The following CCSER1 variants were observed in gnomAD, a reference collection of about 807,000 sequenced individuals.
CCSER1 encodes the protein coiled-coil serine rich protein 1, also known as serine-rich coiled-coil domain-containing protein 1.
A neutral mutation model predicts 82.0 loss-of-function variants in CCSER1; 41 were observed. That is an observed-to-expected ratio of 0.50 (90% CI 0.39 to 0.65). The LOEUF (loss-of-function observed/expected upper bound fraction) is 0.65, where lower values mean the gene tolerates loss of function less well. Among genes scored for constraint, CCSER1 ranks in the 30% least tolerant of loss-of-function variants. CCSER1 has a pLI of 0.00. For missense variants in CCSER1, 1,119 were observed against 1,064.2 expected, an observed-to-expected ratio of 1.05 and a Z score of -0.72; for synonymous variants, 414 against 383.9, an observed-to-expected ratio of 1.08 and a Z score of -0.92.
At chr4:90,442,402 C>T (rs1173926338) in intron 4 of CCSER1, among the ~76,000 whole-genome samples, 3 of 152,096 alleles carry the variant, frequency 2.0e-5, no homozygotes, top group Admixed American at 6.5e-5. Flanking sequence ...CCAGAAAAAC[C>T]TATTGATCAA....
chr4:90,710,029 C>A (rs888905804), intron 6 of CCSER1, among the ~76,000 whole-genome samples: 1 of 146,246 alleles, frequency 6.8e-6, no homozygotes, highest in Non-Finnish European at 1.5e-5. Context: ...TTGCATTTCT[C>A]TAGTGATCAG....
At chr4:91,309,757 AT>A (rs996292220) in intron 10 of CCSER1, among the ~76,000 whole-genome samples, 2 of 151,956 alleles carry the variant, frequency 1.3e-5, no homozygotes, top group African/African-American at 4.8e-5. Flanking sequence ...ATATATAAGA[AT>A]TTAATTTTTT....
At position 90,653,132 on chromosome 4, in the gene CCSER1, T is replaced by A. The variant is rs1245882612; in HGVS notation, c.1932+24900T>A. Among the ~76,000 whole-genome samples, 4 of 149,346 alleles carry A rather than the reference T, an allele frequency of 2.7e-5. No individual in the cohort carries two copies. The East Asian group carries it at 5.8e-4, about 22-fold the overall frequency. ...TTATTTGGTAATAAGAGTTCCTATT[T>A]AAAAAAAAAACTTGCTTTGAATTTC... On this transcript the variant is annotated intron_variant, in intron 6 of 10. Transcript: ENST00000509176.
chr4:90,827,221 C>A (rs1369625517), intron 8 of CCSER1, among the ~76,000 whole-genome samples: 1 of 152,170 alleles, frequency 6.6e-6, no homozygotes, highest in Non-Finnish European at 1.5e-5. Context: ...TTTATGGTTT[C>A]TTCTGGTCAT....
intron 6 of CCSER1, among the ~76,000 whole-genome samples, chr4:90,633,768 A>T (rs548265592): frequency 2.0e-5 from 3 of 151,968 alleles, no homozygotes; most frequent in African/African-American, 4.8e-5. Flanking sequence ...TGGTCTGTCG[A>T]CCTCCTAGAT....
intron 7 of CCSER1, among the ~76,000 whole-genome samples, chr4:90,790,533 TG>T (rs932614350): frequency 2.3e-5 from 3 of 127,790 alleles, no homozygotes; most frequent in African/African-American, 1.0e-4. Context: ...TTCTGACCAT[TG>T]GGATTCTGGA....
At chr4:90,773,619 C>T (rs1162243352) in intron 7 of CCSER1, among the ~76,000 whole-genome samples, 2 of 152,162 alleles carry the variant, frequency 1.3e-5, no homozygotes, top group African/African-American at 4.8e-5. Flanking sequence ...CCCTAAATTA[C>T]ATCTATATTG....
intron 9 of CCSER1, among the ~76,000 whole-genome samples, chr4:91,066,958 G>A (rs1053275170): frequency 6.6e-6 from 1 of 151,946 alleles, no homozygotes; most frequent in African/African-American, 2.4e-5. Flanking sequence ...GAGGTCAGGA[G>A]ATCAAAACCA....
At chr4:91,517,750 G>C (rs946649926) in intron 10 of CCSER1, among the ~76,000 whole-genome samples, 1 of 89,320 alleles carries the variant, frequency 1.1e-5, no homozygotes, top group Non-Finnish European at 2.5e-5. Flanking sequence ...TTTCTCGTGT[G>C]TGTGTGTGTG....
chr4:91,572,830 A>C (rs953596126), intron 10 of CCSER1, among the ~76,000 whole-genome samples: 9 of 151,626 alleles, frequency 5.9e-5, no homozygotes, highest in African/African-American at 1.5e-4. Flanking sequence ...AAAAAAGAAG[A>C]AGCCTGTCCA....
chr4:90,947,766 A>C (rs893334128), intron 9 of CCSER1, among the ~76,000 whole-genome samples: 2 of 152,146 alleles, frequency 1.3e-5, no homozygotes, highest in African/African-American at 4.8e-5. Context: ...GTATCTCTAG[A>C]GACTGTAAGT....
chr4:91,328,507 T>C (rs1262823644), intron 10 of CCSER1, among the ~76,000 whole-genome samples: 2 of 152,230 alleles, frequency 1.3e-5, no homozygotes, highest in Middle Eastern at 3.4e-3. Flanking sequence ...ACCTTCAACA[T>C]TGCAGATTAC....
rs956574425 is a variant in CCSER1 at position 91,599,547 on chromosome 4, A to G, written c.*490A>G. 1.3e-5 allele frequency: 2 copies of G among 152,228 alleles called. No homozygotes were observed. Among genetic ancestry groups the G allele is most frequent in the Non-Finnish European group, 2.9e-5 (2 of 68,114 alleles). The allele number at this position is 152,228 out of a possible 1,614,324, so 9.4% of individuals were successfully genotyped here. ...GTTAACGTCTTATATTTGGTGGTAT[A>G]TTTATTTGAAGAATGTGGCTTGCTT... On this transcript the variant is annotated 3_prime_UTR_variant, in exon 11 of 11. Transcript: ENST00000509176.
chr4:90,935,465 A>C (rs1456254621), intron 9 of CCSER1, among the ~76,000 whole-genome samples: 6 of 152,168 alleles, frequency 3.9e-5, no homozygotes, highest in Admixed American at 2.6e-4. Flanking sequence ...CCTGAGCCAA[A>C]TAAACCTTTT....
intron 9 of CCSER1, among the ~76,000 whole-genome samples, chr4:90,924,929 G>A (rs1728867152): frequency 1.3e-5 from 2 of 152,160 alleles, no homozygotes; most frequent in African/African-American, 2.4e-5. Context: ...GTTTCATCAT[G>A]TTGGTCAGGT....
intron 10 of CCSER1, among the ~76,000 whole-genome samples, chr4:91,089,648 A>G (rs1402777639): frequency 1.3e-5 from 2 of 152,174 alleles, no homozygotes; most frequent in African/African-American, 2.4e-5. Context: ...GCTTTTTATC[A>G]TTTGAAGAAG....
chr4:90,747,654 T>G (rs190067449), intron 7 of CCSER1, among the ~76,000 whole-genome samples: 1 of 152,138 alleles, frequency 6.6e-6, no homozygotes, highest in Non-Finnish European at 1.5e-5. Flanking sequence ...TTTCTTTTTT[T>G]AAATTTTATT....
rs540846742 is a variant in CCSER1, at chr4:90,974,612, A to G, written c.2172+51165A>G. 2.0e-5 allele frequency among the ~76,000 whole-genome samples: 3 copies of G among 151,590 alleles called. No homozygotes were observed. In the South Asian group the frequency reaches 6.2e-4, roughly 31 times the overall value. ...ACAAATTGCCGATAAATGCATGACA[A>G]GAGTCTCAGCACCTTTACCCATTAG... On this transcript the variant is annotated intron_variant, in intron 9 of 10. Transcript: ENST00000509176.
chr4:90,989,609 T>C (rs1326439999), intron 9 of CCSER1, among the ~76,000 whole-genome samples: 2 of 151,706 alleles, frequency 1.3e-5, no homozygotes, highest in African/African-American at 4.8e-5. Flanking sequence ...ATGTCTACAG[T>C]AAGATGAGTG....
Sources: gnomAD v4.1 joint callset for allele counts (sites outside exome capture counted in the v4.1 genomes callset) on GRCh38, gnomAD v4.1.1 for gene constraint, MANE v1.5 for transcripts, NCBI Gene and HGNC (gene_info 2026-07-23, HGNC 2026-07-21) for gene names.